The following SYNDIG1L variants were observed in gnomAD, a reference collection of about 807,000 sequenced individuals.
SYNDIG1L encodes the protein synapse differentiation-inducing gene protein 1-like.
SYNDIG1L carries 13 observed loss-of-function variants against 20.1 expected under a neutral mutation model. The ratio of observed to expected loss-of-function variants is 0.65; its 90% CI spans 0.42 to 1.03. The LOEUF is 1.03. Among genes scored for constraint, SYNDIG1L ranks in the 50% least tolerant of loss-of-function variants. The probability of loss-of-function intolerance (pLI) is 0.00; values close to 1 mark genes in which losing one functional copy is unlikely to be tolerated. For missense variants in SYNDIG1L, 294 were observed against 305.1 expected, an observed-to-expected ratio of 0.96 and a Z score of 0.27; for synonymous variants, 128 against 129.3, an observed-to-expected ratio of 0.99 and a Z score of 0.07.
chr14:74,449,197 C>G, the SYNDIG1L span, among the ~76,000 whole-genome samples: 1 of 149,958 alleles, frequency 6.7e-6, no homozygotes, highest in African/African-American at 2.5e-5. Flanking sequence ...CACGCCACTG[C>G]AGTCCAGCTT....
chr14:74,419,190 C>T (rs774375380), intron 1 of SYNDIG1L, among the ~76,000 whole-genome samples: 4 of 152,204 alleles, frequency 2.6e-5, no homozygotes, highest in Non-Finnish European at 5.9e-5. Flanking sequence ...GTCTAGATTT[C>T]GCCTCCCTGG....
chr14:74,448,115 A>C, the SYNDIG1L span, among the ~76,000 whole-genome samples: 2 of 152,140 alleles, frequency 1.3e-5, no homozygotes, highest in African/African-American at 4.8e-5. Context: ...GAGTTGAGAC[A>C]AGTAGAAAAC....
the SYNDIG1L span, among the ~76,000 whole-genome samples, chr14:74,462,876 C>T: frequency 6.6e-6 from 1 of 152,124 alleles, no homozygotes; most frequent in East Asian, 1.9e-4. Flanking sequence ...ATGTAACCCC[C>T]TCATGGGTCA....
chr14:74,431,726 G>A, the SYNDIG1L span, among the ~76,000 whole-genome samples: 1 of 152,120 alleles, frequency 6.6e-6, no homozygotes, highest in Non-Finnish European at 1.5e-5. Flanking sequence ...GGAGCAGAAA[G>A]AGAAACAAGA....
In SYNDIG1L at chr14:74,407,512, C is replaced by T; in HGVS notation, c.*23G>A. ...TGCTTCCTCAGGTGGGCAGGGGAGTCAGGATGCAGGCCCTACTGGCTACTA... is the reference window on the plus strand; with the variant it reads ...TGCTTCCTCAGGTGGGCAGGGGAGTTAGGATGCAGGCCCTACTGGCTACTA... On this transcript the variant is annotated 3_prime_UTR_variant, in exon 4 of 4. Coordinates refer to ENST00000331628, the MANE Select transcript of SYNDIG1L (RefSeq NM_001105579.2). The T allele has an allele frequency of 6.2e-7, 1 of 1,612,804 alleles. No homozygotes were observed. The highest frequency in any genetic ancestry group is 8.5e-7 in the Non-Finnish European group (1 of 1,179,796).
At chr14:74,412,308 C>T (rs1282269628) in intron 1 of SYNDIG1L, among the ~76,000 whole-genome samples, 1 of 152,190 alleles carries the variant, frequency 6.6e-6, no homozygotes, top group African/African-American at 2.4e-5. Flanking sequence ...GGAGCCCCTG[C>T]CATGGTCTCC....
chr14:74,423,024 C>T (rs1234330624), intron 1 of SYNDIG1L, among the ~76,000 whole-genome samples: 1 of 152,138 alleles, frequency 6.6e-6, no homozygotes, highest in Non-Finnish European at 1.5e-5. Context: ...GACCATGTTG[C>T]ATTTATTCTT....
Position 74,423,378 on chromosome 14 carries a change from C to T in SYNDIG1L, c.-58+2534G>A, listed in dbSNP as rs1284715406. ...GACCAGCCTTGCAGAAAAGAAAACA[C>T]CTCACTAGCTTGCTGTTGCTGCTGC... On this transcript the variant is annotated intron_variant, in intron 1 of 3. Transcript: ENST00000331628. Among the ~76,000 whole-genome samples the T allele has an allele frequency of 3.9e-5, 6 of 152,334 alleles. No homozygotes were observed. The South Asian group carries it at 1.0e-3, about 26-fold the overall frequency.
chr14:74,467,194 T>C, the SYNDIG1L span, among the ~76,000 whole-genome samples: 1 of 152,310 alleles, frequency 6.6e-6, no homozygotes, highest in African/African-American at 2.4e-5. Context: ...CTTAAACTCC[T>C]TGGCTCAAGT....
chr14:74,413,208 G>A (rs867694203), intron 1 of SYNDIG1L, among the ~76,000 whole-genome samples: 41 of 152,260 alleles, frequency 2.7e-4, no homozygotes, highest in Non-Finnish European at 4.6e-4. Context: ...CTGAGCCTCC[G>A]CAATCCCAGC....
At chr14:74,476,321 G>C in the SYNDIG1L span, 4 of 636,770 alleles carry the variant, frequency 6.3e-6, no homozygotes, top group Admixed American at 7.2e-5. Flanking sequence ...CCATCCATTT[G>C]TCTGCCAGGC....
intron 1 of SYNDIG1L, among the ~76,000 whole-genome samples, chr14:74,412,178 C>T (rs1010544430): frequency 6.6e-6 from 1 of 152,188 alleles, no homozygotes. Context: ...GGGCACCTTC[C>T]AGCAGGTGGG....
the SYNDIG1L span, among the ~76,000 whole-genome samples, chr14:74,454,765 C>A: frequency 6.6e-6 from 1 of 152,194 alleles, no homozygotes; most frequent in Non-Finnish European, 1.5e-5. Flanking sequence ...CAGAACCATC[C>A]GACCCTTCAG....
At position 74,407,213 on chromosome 14, in the gene SYNDIG1L, G is replaced by C. The variant is rs2086090114; in HGVS notation, c.*322C>G. The C allele has an allele frequency of 5.2e-6, 2 of 384,354 alleles. No homozygotes were observed. The highest frequency in any genetic ancestry group is 1.2e-4 in the East Asian group (2 of 17,282). The allele number at this position is 384,354 out of a possible 1,614,324, so 23.8% of individuals were successfully genotyped here. A position where few individuals can be genotyped will look rare whatever the true frequency, so the allele number is the denominator to read the frequency against. The stretch of plus-strand genomic sequence containing the variant: ...AGGGTAGGTGGTGGGCTGGCTGTAG[G>C]GCAGGAGATCCTCTAGGGAATGGGC... On this transcript the variant is annotated 3_prime_UTR_variant, in exon 4 of 4. Transcript: ENST00000331628.
chr14:74,440,924 A>G, the SYNDIG1L span, among the ~76,000 whole-genome samples: 1 of 152,314 alleles, frequency 6.6e-6, no homozygotes, highest in South Asian at 2.1e-4. Flanking sequence ...TCTGTCCCTC[A>G]TGGACCTTGT....
chr14:74,411,076 G>C (rs1241033782), intron 1 of SYNDIG1L, among the ~76,000 whole-genome samples: 1 of 152,178 alleles, frequency 6.6e-6, no homozygotes, highest in African/African-American at 2.4e-5. Flanking sequence ...GGGCCCCAGG[G>C]ACCTCCTGCT....
the SYNDIG1L span, among the ~76,000 whole-genome samples, chr14:74,438,004 T>A: frequency 1.3e-5 from 2 of 152,200 alleles, no homozygotes; most frequent in African/African-American, 4.8e-5. Flanking sequence ...GAAATATAGG[T>A]TCACAGTCAG....
At chr14:74,432,174 T>TGA in the SYNDIG1L span, among the ~76,000 whole-genome samples, 121 of 144,836 alleles carry the variant, frequency 8.4e-4, no homozygotes, top group Middle Eastern at 6.9e-3. Context: ...TGTGTGTGTG[T>TGA]GTGTGTGAGA....
the SYNDIG1L span, among the ~76,000 whole-genome samples, chr14:74,444,751 T>C: frequency 6.6e-6 from 1 of 151,798 alleles, no homozygotes; most frequent in South Asian, 2.1e-4. Context: ...TGAAACCCTG[T>C]CTCAAAAAAA....
Sources: gnomAD v4.1 joint callset for allele counts (sites outside exome capture counted in the v4.1 genomes callset) on GRCh38, gnomAD v4.1.1 for gene constraint, MANE v1.5 for transcripts, NCBI Gene and HGNC (gene_info 2026-07-23, HGNC 2026-07-21) for gene names.